The following KCNB2 variants were observed in gnomAD, a reference collection of about 807,000 sequenced individuals.
The protein encoded by KCNB2 is potassium voltage-gated channel subfamily B member 2.
KCNB2 carries 15 observed loss-of-function variants against 61.5 expected under a neutral mutation model. The ratio of observed to expected loss-of-function variants is 0.24; its 90% CI spans 0.16 to 0.38. The LOEUF (loss-of-function observed/expected upper bound fraction) is 0.38, where lower values mean the gene tolerates loss of function less well. Ranked by LOEUF, KCNB2 falls within the 10% of genes least tolerant of loss-of-function variation. The pLI is 1.00. For synonymous variants in KCNB2, 457 were observed against 446.0 expected (o/e 1.02, Z -0.31); for missense variants, 828 against 1,125.2 (o/e 0.74, Z 3.78).
At chr8:72,725,952 C>T (rs528234104) in intron 2 of KCNB2, among the ~76,000 whole-genome samples, 1 of 152,194 alleles carries the variant, frequency 6.6e-6, no homozygotes, top group East Asian at 1.9e-4. Flanking sequence ...GAGGACTTTA[C>T]ATTTGCAAAG....
intron 2 of KCNB2, among the ~76,000 whole-genome samples, chr8:72,680,326 T>C (rs1207244942): frequency 1.3e-5 from 2 of 152,088 alleles, no homozygotes; most frequent in Non-Finnish European, 2.9e-5. Context: ...CTCAGAAAGA[T>C]AGGAAAGGTC....
chr8:72,753,702 A>G (rs1000930077), intron 2 of KCNB2, among the ~76,000 whole-genome samples: 3 of 152,334 alleles, frequency 2.0e-5, no homozygotes, highest in Non-Finnish European at 4.4e-5. Context: ...CAGGACTAGA[A>G]TCAAACCTTT....
At position 72,816,203 on chromosome 8, in the gene KCNB2, T is replaced by A. The variant is rs554151443; in HGVS notation, c.580-119732T>A. On this transcript the variant is annotated intron_variant, in intron 2 of 2. Coordinates refer to ENST00000523207, the MANE Select transcript of KCNB2 (RefSeq NM_004770.3). ...AGATTGAACAGATTTCTGCAAAATG[T>A]GATGAATAGTAATGCTCATCACCAT... 1.4e-3 allele frequency among the ~76,000 whole-genome samples: 211 copies of A among 152,300 alleles called. 1 individual carries two copies. The highest frequency in any genetic ancestry group is 4.5e-3 in the African/African-American group (188 of 41,572).
chr8:72,633,910 A>G (rs1432095371), intron 2 of KCNB2, among the ~76,000 whole-genome samples: 1 of 152,204 alleles, frequency 6.6e-6, no homozygotes, highest in Non-Finnish European at 1.5e-5. Flanking sequence ...CAGCCATAAA[A>G]AAAAAGGTCT....
intron 2 of KCNB2, among the ~76,000 whole-genome samples, chr8:72,723,539 C>T (rs1013382139): frequency 3.9e-5 from 6 of 152,150 alleles, no homozygotes; most frequent in Admixed American, 2.6e-4. Flanking sequence ...TCTTGGCCTC[C>T]CTGGAGCCCC....
intron 2 of KCNB2, among the ~76,000 whole-genome samples, chr8:72,608,724 A>G (rs987920601): frequency 2.0e-5 from 3 of 152,186 alleles, no homozygotes; most frequent in Admixed American, 1.3e-4. Context: ...GATGAGAGAT[A>G]AGAATGTCTC....
chr8:72,779,730 A>G (rs992357670), intron 2 of KCNB2, among the ~76,000 whole-genome samples: 1 of 152,210 alleles, frequency 6.6e-6, no homozygotes, highest in Non-Finnish European at 1.5e-5. Flanking sequence ...AATGAGGAAA[A>G]GGTGCCAGGT....
intron 2 of KCNB2, among the ~76,000 whole-genome samples, chr8:72,727,215 T>TC (rs1031194401): frequency 2.4e-4 from 36 of 152,006 alleles, no homozygotes; most frequent in South Asian, 2.1e-4. Flanking sequence ...TTTTTATACG[T>TC]CCCCCCCAGA....
intron 2 of KCNB2, among the ~76,000 whole-genome samples, chr8:72,921,738 G>A (rs967523599): frequency 6.6e-6 from 1 of 152,052 alleles, no homozygotes; most frequent in African/African-American, 2.4e-5. Context: ...ACTTGTCCTG[G>A]GCTGCGGTTT....
At chr8:72,561,727 A>ATATGTG (rs1189336093) in intron 1 of KCNB2, among the ~76,000 whole-genome samples, 663 of 35,228 alleles carry the variant, frequency 0.019, 78 homozygotes, top group Non-Finnish European at 0.034. Flanking sequence ...ATATATATAT[A>ATATGTG]TCTATATCTA....
intron 2 of KCNB2, among the ~76,000 whole-genome samples, chr8:72,689,418 A>G (rs73307895): frequency 1.7e-3 from 255 of 152,336 alleles, no homozygotes; most frequent in African/African-American, 5.9e-3. Context: ...TTTACAAATC[A>G]TAAAATTCAC....
intron 2 of KCNB2, among the ~76,000 whole-genome samples, chr8:72,931,504 C>T (rs374445437): frequency 1.2e-4 from 18 of 152,224 alleles, no homozygotes; most frequent in East Asian, 5.8e-4. Context: ...TCCTTGAAGA[C>T]GTCCTTCACA....
At chr8:72,542,172 T>C (rs1292332617) in intron 1 of KCNB2, among the ~76,000 whole-genome samples, 1 of 152,192 alleles carries the variant, frequency 6.6e-6, no homozygotes, top group Non-Finnish European at 1.5e-5. Flanking sequence ...CTACAACTTC[T>C]GTTTATGTGA....
chr8:72,917,680 C>T (rs1394642669), intron 2 of KCNB2, among the ~76,000 whole-genome samples: 1 of 151,956 alleles, frequency 6.6e-6, no homozygotes, highest in African/African-American at 2.4e-5. Flanking sequence ...AATGGTGGTC[C>T]CTTATACCAA....
intron 2 of KCNB2, among the ~76,000 whole-genome samples, chr8:72,841,625 G>A (rs963941224): frequency 1.3e-5 from 2 of 152,082 alleles, no homozygotes; most frequent in African/African-American, 4.8e-5. Context: ...GTGGTTTGTA[G>A]TTCTCCTTGA....
At chr8:72,584,113 A>AAAAAAC (rs1554577537) in intron 2 of KCNB2, among the ~76,000 whole-genome samples, 24 of 150,424 alleles carry the variant, frequency 1.6e-4, no homozygotes, top group South Asian at 8.4e-4. Flanking sequence ...AAACAAAAAA[A>AAAAAAC]AACAGAAAAA....
chr8:72,744,125 C>T (rs1808016763), intron 2 of KCNB2, among the ~76,000 whole-genome samples: 1 of 152,060 alleles, frequency 6.6e-6, no homozygotes, highest in Non-Finnish European at 1.5e-5. Context: ...TTTAGGGATA[C>T]TATTTGAAAT....
intron 1 of KCNB2, among the ~76,000 whole-genome samples, chr8:72,556,313 C>A (rs1806425693): frequency 6.6e-6 from 1 of 151,726 alleles, no homozygotes; most frequent in Non-Finnish European, 1.5e-5. Flanking sequence ...TACTTTTTTA[C>A]CATTAATTAT....
At chr8:72,750,529 A>C (rs1473954497) in intron 2 of KCNB2, 1 of 152,172 alleles carries the variant, frequency 6.6e-6, no homozygotes, top group Non-Finnish European at 1.5e-5. Context: ...TAATGTTTGC[A>C]TCACTGAACT....
Sources: allele counts gnomAD v4.1 joint callset (sites outside exome capture counted in the v4.1 genomes callset), GRCh38; gene constraint gnomAD v4.1.1; transcripts MANE v1.5; gene names NCBI Gene and HGNC (gene_info 2026-07-23, HGNC 2026-07-21).